SMARCAL1: variants seen among roughly 807,000 people sequenced by gnomAD.
The protein encoded by SMARCAL1 is SNF2 related chromatin remodeling annealing helicase 1.
A neutral mutation model predicts 94.5 loss-of-function variants in SMARCAL1; 58 were observed. That is an observed-to-expected ratio of 0.61 (90% CI 0.50 to 0.76). SMARCAL1 has a LOEUF of 0.76. SMARCAL1 is among the 30% of genes least tolerant of loss of function. The pLI is 0.00. For synonymous variants in SMARCAL1, 422 were observed against 455.1 expected (o/e 0.93, Z 0.93); for missense variants, 1,051 against 1,177.9 (o/e 0.89, Z 1.58).
chr2:216,426,823 A>G (rs1355553350), intron 6 of SMARCAL1, among the ~76,000 whole-genome samples: 1 of 152,216 alleles, frequency 6.6e-6, no homozygotes, highest in East Asian at 1.9e-4. Flanking sequence ...TCCTCACCCC[A>G]TGCTGTCCTT....
At chr2:216,424,576 A>G (rs901118911) in intron 6 of SMARCAL1, among the ~76,000 whole-genome samples, 3 of 152,166 alleles carry the variant, frequency 2.0e-5, no homozygotes, top group East Asian at 1.9e-4. Context: ...TAGGGCTTCA[A>G]TGTGAGGGAA....
chr2:216,468,560 C>T (rs1198906276), intron 14 of SMARCAL1, among the ~76,000 whole-genome samples: 1 of 152,176 alleles, frequency 6.6e-6, no homozygotes, highest in African/African-American at 2.4e-5. Flanking sequence ...GAACACATTT[C>T]ATCCCCTTTT....
At chr2:216,474,216 T>G (rs1321554574) in intron 14 of SMARCAL1, among the ~76,000 whole-genome samples, 1 of 138,564 alleles carries the variant, frequency 7.2e-6, no homozygotes, top group Non-Finnish European at 1.5e-5. Flanking sequence ...CTTGGCTCAC[T>G]GCAACCTCTG....
At chr2:216,446,567 A>G in intron 10 of SMARCAL1, 1 of 405,836 alleles carries the variant, frequency 2.5e-6, no homozygotes, top group Non-Finnish European at 5.0e-6. Context: ...CAGACCTGCC[A>G]CTGTCTTCTC....
At chr2:216,428,839 C>T in intron 7 of SMARCAL1, 57 bp downstream of exon 7, 1 of 1,453,508 alleles carries the variant, frequency 6.9e-7, no homozygotes, top group Non-Finnish European at 9.7e-7. Flanking sequence ...TTACTCACCA[C>T]AGACTGCATT....
intron 4 of SMARCAL1, 102 bp from the exon 5 acceptor site, chr2:216,420,197 C>T (rs1693685855): frequency 1.1e-6 from 1 of 915,718 alleles, no homozygotes; most frequent in Non-Finnish European, 1.7e-6. Flanking sequence ...GCCTCTTGAC[C>T]ATGTCCCTTC....
Position 216,432,867 on chromosome 2 carries a change from A to C in SMARCAL1, c.1484A>C (p.Gln495Pro), listed in dbSNP as rs748302237. ...TCCTCCGTGCGCTTCACCTGGGAGC[A>C]GGTTAATGGTCTTCAAATTGCAGTT... ...VPSSVRFTWEQAFLRWLPSLS... is the reference protein window; with the variant it reads ...VPSSVRFTWEPAFLRWLPSLS... The change falls in exon 8 of 18, where the codon CAG (glutamine) becomes CCG (proline). Residue 495 changes from glutamine (Q) to proline (P), a missense_variant and splice_region_variant. Gln to Pro is a moderately conservative substitution (Grantham distance 76, BLOSUM62 -1). Coordinates refer to ENST00000357276, the MANE Select transcript of SMARCAL1 (RefSeq NM_014140.4). 1 of 1,614,204 alleles carries C rather than the reference A, an allele frequency of 6.2e-7. No individual in the cohort carries two copies. The highest frequency in any genetic ancestry group is 2.2e-5 in the East Asian group (1 of 44,884).
rs1436190761 is a variant in SMARCAL1 at position 216,415,472 on chromosome 2, G to A, written c.768G>A (p.Ala256=). 1.1e-5 allele frequency: 17 copies of A among 1,614,072 alleles called. No individual in the cohort carries two copies. The highest frequency in any genetic ancestry group is 1.6e-4 in the Middle Eastern group (1 of 6,062). The change falls in exon 3 of 18, where the codon GCG becomes GCA. Residue 256 remains alanine, a synonymous_variant. Transcript: ENST00000357276. The stretch of plus-strand genomic sequence containing the variant: ...TCCAGGTGTTGATTGGGTACAATGC[G>A]GAACTCATTGCAGTGTTTAAGACCC... ...DRFQVLIGYN[A]ELIAVFKTLP...
chr2:216,482,827 C>T lies in SMARCAL1; in HGVS notation c.2715C>T (p.Ser905=), dbSNP rs745630321. ...SDMELLEAAE[S]FDPGSASGTS... is the part of the protein sequence containing the mutation. ...TGGAGCTCCTGGAAGCAGCAGAGTC[C>T]TTTGACCCAGGAAGTGCTTCAGGAA... The change falls in exon 18 of 18, where the codon TCC becomes TCT. Residue 905 remains serine, a synonymous_variant. Transcript: ENST00000357276. This position sits in a 1 kb window ranked among gnomAD's most constrained non-coding sequence, Gnocchi z 4.3. 1 of 1,614,156 alleles carries T rather than the reference C, an allele frequency of 6.2e-7. No individual in the cohort carries two copies. Among genetic ancestry groups the T allele is most frequent in the South Asian group, 1.1e-5 (1 of 91,080 alleles).
intron 14 of SMARCAL1, among the ~76,000 whole-genome samples, chr2:216,470,337 T>G (rs1694935451): frequency 6.6e-6 from 1 of 151,984 alleles, no homozygotes; most frequent in African/African-American, 2.4e-5. Flanking sequence ...ATTTTTTTAG[T>G]AGAGACGGGG....
chr2:216,477,978 T>G (rs1695124939), intron 16 of SMARCAL1, among the ~76,000 whole-genome samples: 1 of 152,180 alleles, frequency 6.6e-6, no homozygotes, highest in Admixed American at 6.5e-5. Flanking sequence ...ACATCTTCCA[T>G]TAGAAAGAAT....
intron 12 of SMARCAL1, among the ~76,000 whole-genome samples, chr2:216,453,586 T>G (rs1180223119): frequency 6.6e-6 from 1 of 152,226 alleles, no homozygotes; most frequent in Non-Finnish European, 1.5e-5. Flanking sequence ...ACCATAGGCA[T>G]GTCTTCCAGA....
chr2:216,430,459 G>T (rs1297545849), intron 7 of SMARCAL1, among the ~76,000 whole-genome samples: 1 of 152,216 alleles, frequency 6.6e-6, no homozygotes, highest in Non-Finnish European at 1.5e-5. Flanking sequence ...TCAGCAGTCA[G>T]AAGTGGAGTT....
chr2:216,443,284 T>C (rs2627045), intron 10 of SMARCAL1, among the ~76,000 whole-genome samples: 9,456 of 148,712 alleles, frequency 0.064, 715 homozygotes, highest in African/African-American at 0.18. Flanking sequence ...GGAGGGTCAC[T>C]TAAACCTGGG....
At chr2:216,480,205 ATAAC>A (rs1295988544) in intron 17 of SMARCAL1, among the ~76,000 whole-genome samples, 1 of 152,216 alleles carries the variant, frequency 6.6e-6, no homozygotes, top group Non-Finnish European at 1.5e-5. Flanking sequence ...ATTTTGATCA[ATAAC>A]TATATCAATT....
At chr2:216,433,598 G>T (rs571363790) in intron 8 of SMARCAL1, among the ~76,000 whole-genome samples, 14 of 152,158 alleles carry the variant, frequency 9.2e-5, no homozygotes, top group African/African-American at 3.1e-4. Flanking sequence ...GTAGAGGGGG[G>T]AGTGAGTGGG....
chr2:216,478,148 T>G, intron 16 of SMARCAL1, 55 bp from the exon 17 acceptor site: 1 of 1,387,696 alleles, frequency 7.2e-7, no homozygotes, highest in Non-Finnish European at 1.0e-6. Flanking sequence ...TCATTTTCAT[T>G]AGTCTGGTGG....
At chr2:216,469,619 C>G (rs1171233016) in intron 14 of SMARCAL1, among the ~76,000 whole-genome samples, 1 of 152,160 alleles carries the variant, frequency 6.6e-6, no homozygotes, top group African/African-American at 2.4e-5. Flanking sequence ...CATTGGATAG[C>G]TATACTGCAG....
chr2:216,470,726 T>C (rs528276547), intron 14 of SMARCAL1, among the ~76,000 whole-genome samples: 1 of 150,914 alleles, frequency 6.6e-6, no homozygotes, highest in East Asian at 2.0e-4. Flanking sequence ...GCTCAAGCAA[T>C]TCTTTTGCCT....
Sources: allele counts gnomAD v4.1 joint callset (sites outside exome capture counted in the v4.1 genomes callset), GRCh38; gene constraint gnomAD v4.1.1; non-coding constraint Gnocchi (gnomAD v3.1); transcripts MANE v1.5; gene names NCBI Gene and HGNC (gene_info 2026-07-23, HGNC 2026-07-21).